MACROD2: variants seen among roughly 807,000 people sequenced by gnomAD.
The protein encoded by MACROD2 is ADP-ribose glycohydrolase MACROD2.
Under a neutral mutation model 70.4 loss-of-function variants are expected in MACROD2, and 36 were observed. The observed-to-expected ratio is 0.51, with a 90% confidence interval of 0.39 to 0.68. The LOEUF (loss-of-function observed/expected upper bound fraction) is 0.68, where lower values mean the gene tolerates loss of function less well. Among genes scored for constraint, MACROD2 ranks in the 30% least tolerant of loss-of-function variants. The probability of loss-of-function intolerance (pLI) is 0.00; values close to 1 mark genes in which losing one functional copy is unlikely to be tolerated. For synonymous variants in MACROD2, 172 were observed against 178.8 expected (o/e 0.96, Z 0.30); for missense variants, 496 against 538.4 (o/e 0.92, Z 0.78).
In MACROD2 at chr20:15,102,438, C is replaced by T. The variant is rs1027028079; in HGVS notation, c.419-127502C>T. 5.3e-4 allele frequency among the ~76,000 whole-genome samples: 81 copies of T among 151,880 alleles called. 1 individual carries two copies. Among genetic ancestry groups the T allele is most frequent in the African/African-American group, 1.9e-3 (80 of 41,388 alleles). On this transcript the variant is annotated intron_variant, in intron 5 of 17. Coordinates refer to ENST00000684519, the MANE Select transcript of MACROD2 (RefSeq NM_001351661.2). ...CTTTAAGAGAGCAGTTCCACTCCCA[C>T]ATATATACTCTGGTATATATAGTAG...
chr20:14,797,304 C>T (rs546291028), intron 5 of MACROD2, among the ~76,000 whole-genome samples: 228 of 152,166 alleles, frequency 1.5e-3, no homozygotes, highest in Non-Finnish European at 2.2e-3. Context: ...CCACTTAGTA[C>T]TCTTCAATGA....
At chr20:14,114,543 A>G (rs1263462736) in intron 3 of MACROD2, among the ~76,000 whole-genome samples, 1 of 152,064 alleles carries the variant, frequency 6.6e-6, no homozygotes, top group African/African-American at 2.4e-5. Flanking sequence ...GGTGATAGGG[A>G]TGAAGTGTTA....
At chr20:14,769,492 A>G (rs1156608672) in intron 5 of MACROD2, among the ~76,000 whole-genome samples, 1 of 152,164 alleles carries the variant, frequency 6.6e-6, no homozygotes, top group African/African-American at 2.4e-5. Flanking sequence ...CCTTTAAACC[A>G]GAACAATGAT....
chr20:15,711,675 C>T (rs1311247554), intron 8 of MACROD2, among the ~76,000 whole-genome samples: 1 of 152,176 alleles, frequency 6.6e-6, no homozygotes, highest in African/African-American at 2.4e-5. Context: ...ATGTAAAAAA[C>T]AGGTCGATGC....
At chr20:14,412,422 A>T in intron 3 of MACROD2, among the ~76,000 whole-genome samples, 1 of 137,606 alleles carries the variant, frequency 7.3e-6, no homozygotes, top group Non-Finnish European at 1.6e-5. Context: ...AGTGATTCAT[A>T]GGAGCCACAG....
Position 16,049,993 on chromosome 20 carries a change from A to C in MACROD2, c.*117A>C. ...GGCAAGTCCCATGGAAGGACGGGGA[A>C]TCCTTTACTCTAATTTCTCCAGCTG... On this transcript the variant is annotated 3_prime_UTR_variant, in exon 18 of 18. Transcript: ENST00000684519. The C allele has an allele frequency of 1.3e-6, 1 of 772,020 alleles. No individual in the cohort carries two copies. Among genetic ancestry groups the C allele is most frequent in the Non-Finnish European group, 2.0e-6 (1 of 489,180 alleles). The allele number at this position is 772,020 out of a possible 1,614,324, so 47.8% of individuals were successfully genotyped here.
intron 5 of MACROD2, among the ~76,000 whole-genome samples, chr20:15,185,942 A>G (rs2076532067): frequency 6.6e-6 from 1 of 152,166 alleles, no homozygotes. Flanking sequence ...CTCACTCATG[A>G]GAAATGACTC....
intron 8 of MACROD2, among the ~76,000 whole-genome samples, chr20:15,848,366 AG>A (rs371851579): frequency 1.2e-3 from 179 of 148,810 alleles, no homozygotes; most frequent in African/African-American, 4.1e-3. Flanking sequence ...AGCCAGGGGG[AG>A]GGGGGGGTCA....
intron 5 of MACROD2, among the ~76,000 whole-genome samples, chr20:15,060,976 G>A (rs189478129): frequency 6.6e-5 from 10 of 152,216 alleles, no homozygotes; most frequent in Admixed American, 2.0e-4. Context: ...GGGTGTTGCT[G>A]GTAAAATTGA....
chr20:14,351,744 A>G (rs766883047), intron 3 of MACROD2, among the ~76,000 whole-genome samples: 27 of 152,038 alleles, frequency 1.8e-4, no homozygotes, highest in Non-Finnish European at 3.1e-4. Context: ...CTCTTGTCTT[A>G]CTGCTCTAGC....
chr20:16,035,136 T>TATAAAA (rs1186791062), intron 15 of MACROD2, among the ~76,000 whole-genome samples: 1 of 77,074 alleles, frequency 1.3e-5, no homozygotes, highest in Non-Finnish European at 2.8e-5. Flanking sequence ...ATATTATATA[T>TATAAAA]TATATATTAT....
chr20:14,734,329 T>C (rs1951592896), intron 5 of MACROD2, among the ~76,000 whole-genome samples: 1 of 151,810 alleles, frequency 6.6e-6, no homozygotes, highest in Non-Finnish European at 1.5e-5. Flanking sequence ...AAACCCTGTC[T>C]CTACTAAAAA....
At chr20:15,041,125 T>C (rs1371629811) in intron 5 of MACROD2, among the ~76,000 whole-genome samples, 1 of 152,218 alleles carries the variant, frequency 6.6e-6, no homozygotes, top group Admixed American at 6.5e-5. Context: ...TGTGCAGTTA[T>C]GAAAATTTGA....
At chr20:14,325,294 A>G in intron 3 of MACROD2, 1 of 303,018 alleles carries the variant, frequency 3.3e-6, no homozygotes, top group Non-Finnish European at 6.0e-6. Flanking sequence ...CAATATTTGC[A>G]AGGAAAATAC....
At chr20:15,291,023 G>A (rs1024339226) in intron 6 of MACROD2, among the ~76,000 whole-genome samples, 8 of 152,176 alleles carry the variant, frequency 5.3e-5, no homozygotes, top group African/African-American at 1.7e-4. Context: ...CAGGGCGGTA[G>A]GAGAAAGAAG....
chr20:14,639,330 T>A (rs1984964687), intron 4 of MACROD2, among the ~76,000 whole-genome samples: 1 of 152,138 alleles, frequency 6.6e-6, no homozygotes, highest in Non-Finnish European at 1.5e-5. Flanking sequence ...CTTCTTCAAC[T>A]CTCCCCATTC....
intron 3 of MACROD2, among the ~76,000 whole-genome samples, chr20:14,239,099 A>C (rs566371315): frequency 1.3e-5 from 2 of 152,042 alleles, no homozygotes; most frequent in Non-Finnish European, 2.9e-5. Flanking sequence ...TTGGGACCCC[A>C]ATGAAGAATA....
chr20:15,553,353 A>G (rs1342229567), intron 8 of MACROD2, among the ~76,000 whole-genome samples: 3 of 152,216 alleles, frequency 2.0e-5, no homozygotes, highest in African/African-American at 4.8e-5. Flanking sequence ...AGGAATACAT[A>G]GGGTCAGAAA....
rs77841939 is a variant in MACROD2, at chr20:14,294,068, A to G, written c.272-199411A>G. Among the ~76,000 whole-genome samples, 753 of 151,958 alleles carry G rather than the reference A, an allele frequency of 5.0e-3. 5 individuals are homozygous for G. The highest frequency in any genetic ancestry group is 9.1e-3 in the South Asian group (44 of 4,826). ...ATCAGATTAATGAGGAAAGTTAGAT[A>G]TTAGGTACCTAAACTGTATTTGGTG... On this transcript the variant is annotated intron_variant, in intron 3 of 17. Coordinates refer to ENST00000684519, the MANE Select transcript of MACROD2 (RefSeq NM_001351661.2).
Sources: gnomAD v4.1 joint callset for allele counts (sites outside exome capture counted in the v4.1 genomes callset) on GRCh38, gnomAD v4.1.1 for gene constraint, MANE v1.5 for transcripts, NCBI Gene and HGNC (gene_info 2026-07-23, HGNC 2026-07-21) for gene names.